The following AGAP1 variants were observed in gnomAD, a reference collection of about 807,000 sequenced individuals.
The protein encoded by AGAP1 is ArfGAP with GTPase domain, ankyrin repeat and PH domain 1, also known as arf-GAP with GTPase, ANK repeat and PH domain-containing protein 1.
A neutral mutation model predicts 105.3 loss-of-function variants in AGAP1; 29 were observed. The observed-to-expected ratio is 0.28, with a 90% confidence interval of 0.21 to 0.38. The LOEUF is 0.38. Among genes scored for constraint, AGAP1 ranks in the 10% least tolerant of loss-of-function variants. The probability of loss-of-function intolerance (pLI) is 1.00; values close to 1 mark genes in which losing one functional copy is unlikely to be tolerated. For missense variants in AGAP1, 998 were observed against 1,165.1 expected, an observed-to-expected ratio of 0.86 and a Z score of 2.09; for synonymous variants, 509 against 485.9, an observed-to-expected ratio of 1.05 and a Z score of -0.63.
rs1945646985 is a variant in AGAP1 at position 235,599,244 on chromosome 2, A to G, written c.163+104395A>G. ...GCTGCGAGAACCCACACAGCTGTTC[A>G]TTTCGGTGGCCGAGGGCCTGTGGGC... is the stretch of plus-strand genomic sequence containing the variant. On this transcript the variant is annotated intron_variant, in intron 1 of 17. Coordinates refer to ENST00000304032, the MANE Select transcript of AGAP1 (RefSeq NM_001037131.3). The surrounding 1 kb of genome is among the most constrained non-coding windows in gnomAD (Gnocchi z 5.3). 6.6e-6 allele frequency among the ~76,000 whole-genome samples: 1 copy of G among 152,070 alleles called. No individual in the cohort carries two copies. The highest frequency in any genetic ancestry group is 1.5e-5 in the Non-Finnish European group (1 of 68,016).
chr2:235,505,356 G>A (rs1468655835), intron 1 of AGAP1, among the ~76,000 whole-genome samples: 1 of 152,228 alleles, frequency 6.6e-6, no homozygotes, highest in African/African-American at 2.4e-5. Context: ...GAGCCAGGAA[G>A]GACACGCGGG....
chr2:235,568,899 C>G (rs972747042), intron 1 of AGAP1, among the ~76,000 whole-genome samples: 1 of 148,066 alleles, frequency 6.8e-6, no homozygotes, highest in Admixed American at 6.7e-5. Context: ...ATCATGTTGT[C>G]CCCTAGCTTT....
intron 9 of AGAP1, among the ~76,000 whole-genome samples, chr2:235,825,043 A>G (rs1958991654): frequency 6.6e-6 from 1 of 152,240 alleles, no homozygotes; most frequent in Non-Finnish European, 1.5e-5. Flanking sequence ...ATGAAAGACC[A>G]TTTGTAGAAA....
chr2:235,861,394 T>C (rs2048922071), intron 9 of AGAP1, among the ~76,000 whole-genome samples: 1 of 152,194 alleles, frequency 6.6e-6, no homozygotes, highest in Non-Finnish European at 1.5e-5. Flanking sequence ...TTGCAACTGG[T>C]AAAGGTGTCA....
chr2:235,540,612 A>G (rs1943405580), intron 1 of AGAP1, among the ~76,000 whole-genome samples: 1 of 152,258 alleles, frequency 6.6e-6, no homozygotes, highest in Non-Finnish European at 1.5e-5. Flanking sequence ...TTGGAGGGGA[A>G]TGCTGGAGAA....
chr2:235,666,635 G>C (rs1433037325), intron 1 of AGAP1, among the ~76,000 whole-genome samples: 1 of 151,132 alleles, frequency 6.6e-6, no homozygotes, highest in East Asian at 1.9e-4. Flanking sequence ...ATCTAAGGTG[G>C]ATGGAATGGA....
chr2:235,875,692 A>G lies in AGAP1; in HGVS notation c.1051-7653A>G, dbSNP rs954977574. On this transcript the variant is annotated intron_variant, in intron 9 of 17. Coordinates refer to ENST00000304032, the MANE Select transcript of AGAP1 (RefSeq NM_001037131.3). The surrounding 1 kb of genome is among the most constrained non-coding windows in gnomAD (Gnocchi z 4.0). ...CATCTGCATTTGCTTATGGGGCGCCATGACACCAACACATGGAGCCACTTG... is the reference window on the plus strand; with the variant it reads ...CATCTGCATTTGCTTATGGGGCGCCGTGACACCAACACATGGAGCCACTTG... Among the ~76,000 whole-genome samples the G allele has an allele frequency of 6.6e-6, 1 of 152,130 alleles. No individual in the cohort carries two copies. Among genetic ancestry groups the G allele is most frequent in the Non-Finnish European group, 1.5e-5 (1 of 68,026 alleles).
In AGAP1 at chr2:235,961,943, C is replaced by T. The variant is rs1246157095; in HGVS notation, c.1484-6519C>T. Among the ~76,000 whole-genome samples, 1 of 152,152 alleles carries T rather than the reference C, an allele frequency of 6.6e-6. No homozygotes were observed. Among genetic ancestry groups the T allele is most frequent in the Non-Finnish European group, 1.5e-5 (1 of 68,014 alleles). ...GGGTGAGCGAGGGTGGGTGAGCATC[C>T]ATTTCCCAGGGGAGGGGCCCCGCGC... is the stretch of plus-strand genomic sequence containing the variant. On this transcript the variant is annotated intron_variant, in intron 12 of 17. Coordinates refer to ENST00000304032, the MANE Select transcript of AGAP1 (RefSeq NM_001037131.3). The surrounding 1 kb of genome is among the most constrained non-coding windows in gnomAD (Gnocchi z 5.9).
intron 8 of AGAP1, among the ~76,000 whole-genome samples, chr2:235,803,024 G>T (rs1228296947): frequency 6.6e-6 from 1 of 151,092 alleles, no homozygotes; most frequent in African/African-American, 2.4e-5. Flanking sequence ...TGATGGTGGT[G>T]ATGGTTGTGA....
At chr2:235,937,188 T>G (rs1266971789) in intron 12 of AGAP1, among the ~76,000 whole-genome samples, 1 of 152,190 alleles carries the variant, frequency 6.6e-6, no homozygotes, top group East Asian at 1.9e-4. Flanking sequence ...CTCTCATCTC[T>G]CAAAGCTGGG....
At position 235,660,540 on chromosome 2, in the gene AGAP1, G is replaced by A. The variant is rs1487810890; in HGVS notation, c.164-48639G>A. Among the ~76,000 whole-genome samples, 2 of 152,078 alleles carry A rather than the reference G, an allele frequency of 1.3e-5. No individual in the cohort carries two copies. Among genetic ancestry groups the A allele is most frequent in the East Asian group, 3.9e-4 (2 of 5,154 alleles). On this transcript the variant is annotated intron_variant, in intron 1 of 17. Transcript: ENST00000304032. The surrounding 1 kb of genome is among the most constrained non-coding windows in gnomAD (Gnocchi z 5.3). ...AGAGTGCCCAGGTGTGCACAGGTGT[G>A]CCCAGGTATGAGGGGAGAAGAAGGG... is the stretch of plus-strand genomic sequence containing the variant.
At chr2:235,540,148 C>CTTTTTTT (rs535395155) in intron 1 of AGAP1, among the ~76,000 whole-genome samples, 3 of 129,106 alleles carry the variant, frequency 2.3e-5, no homozygotes, top group African/African-American at 5.9e-5. Flanking sequence ...CCTCTCTCCT[C>CTTTTTTT]TTTTTTTTTT....
At chr2:235,928,103 A>G (rs949449962) in intron 11 of AGAP1, among the ~76,000 whole-genome samples, 2 of 152,234 alleles carry the variant, frequency 1.3e-5, no homozygotes, top group East Asian at 1.9e-4. Context: ...TGCCCCCCCA[A>G]TCGCACCCCC....
Position 236,009,454 on chromosome 2 carries a change from A to G in AGAP1, c.1646-27107A>G, listed in dbSNP as rs898627524. Among the ~76,000 whole-genome samples, 1 of 152,124 alleles carries G rather than the reference A, an allele frequency of 6.6e-6. No individual in the cohort carries two copies. The highest frequency in any genetic ancestry group is 1.5e-5 in the Non-Finnish European group (1 of 68,028). ...GCCTGAAACACTCCAAGGAGCAGAGACGCTCCCCTCTGCAACAGTGACATT... is the reference window on the plus strand; with the variant it reads ...GCCTGAAACACTCCAAGGAGCAGAGGCGCTCCCCTCTGCAACAGTGACATT... On this transcript the variant is annotated intron_variant, in intron 13 of 17. Transcript: ENST00000304032. This position sits in a 1 kb window ranked among gnomAD's most constrained non-coding sequence, Gnocchi z 4.2.
intron 1 of AGAP1, among the ~76,000 whole-genome samples, chr2:235,576,912 C>T (rs920891586): frequency 6.6e-6 from 1 of 152,196 alleles, no homozygotes; most frequent in Non-Finnish European, 1.5e-5. Flanking sequence ...GTTGGGTTGG[C>T]GAGATGGCCT....
rs966973568 is a variant in AGAP1 at position 236,044,187 on chromosome 2, C to T, written c.1891+3346C>T. Among the ~76,000 whole-genome samples the T allele has an allele frequency of 5.9e-5, 9 of 152,262 alleles. No homozygotes were observed. The highest frequency in any genetic ancestry group is 1.2e-4 in the African/African-American group (5 of 41,556). ...TGCAGCCTTCGGACACCTGTGCTTCCGGGGAGTACTGCTCTGAAGCTACCT... is the reference window on the plus strand; with the variant it reads ...TGCAGCCTTCGGACACCTGTGCTTCTGGGGAGTACTGCTCTGAAGCTACCT... On this transcript the variant is annotated intron_variant, in intron 15 of 17. Transcript: ENST00000304032. This position sits in a 1 kb window ranked among gnomAD's most constrained non-coding sequence, Gnocchi z 5.7.
rs1234938301 is a variant in AGAP1 at position 235,792,722 on chromosome 2, A to T, written c.674-5037A>T. ...TCGACTGAGCTAGAAAACAGACGAG[A>T]GGCAGGTCTGAGAGAGGCTAGGAGG... On this transcript the variant is annotated intron_variant, in intron 6 of 17. Coordinates refer to ENST00000304032, the MANE Select transcript of AGAP1 (RefSeq NM_001037131.3). This position sits in a 1 kb window ranked among gnomAD's most constrained non-coding sequence, Gnocchi z 5.3. 2.6e-5 allele frequency among the ~76,000 whole-genome samples: 4 copies of T among 151,972 alleles called. No individual in the cohort carries two copies. The East Asian group carries it at 5.8e-4, about 22-fold the overall frequency.
chr2:235,517,959 G>A lies in AGAP1; in HGVS notation c.163+23110G>A, dbSNP rs1171719888. On this transcript the variant is annotated intron_variant, in intron 1 of 17. Coordinates refer to ENST00000304032, the MANE Select transcript of AGAP1 (RefSeq NM_001037131.3). This position sits in a 1 kb window ranked among gnomAD's most constrained non-coding sequence, Gnocchi z 4.1. The stretch of plus-strand genomic sequence containing the variant: ...AAAAAAAAAAAAAAGAAAAAAAAAA[G>A]GTAGAACTCATAGTTGCCATTGAGG... 7.9e-6 allele frequency among the ~76,000 whole-genome samples: 1 copy of A among 126,638 alleles called. No homozygotes were observed. Among genetic ancestry groups the A allele is most frequent in the Non-Finnish European group, 1.7e-5 (1 of 59,010 alleles). The allele number at this position is 126,638 out of a possible 152,430, so 83.1% of individuals were successfully genotyped here.
intron 13 of AGAP1, among the ~76,000 whole-genome samples, chr2:235,984,508 A>G (rs917689980): frequency 1.1e-4 from 17 of 150,894 alleles, no homozygotes; most frequent in African/African-American, 3.7e-4. Context: ...AAAAAAAAAA[A>G]TAGATGCGCA....
Sources: allele counts gnomAD v4.1 joint callset (sites outside exome capture counted in the v4.1 genomes callset), GRCh38; gene constraint gnomAD v4.1.1; non-coding constraint Gnocchi (gnomAD v3.1); transcripts MANE v1.5; gene names NCBI Gene and HGNC (gene_info 2026-07-23, HGNC 2026-07-21).